Variants in PRPF18 observed in about 807,000 individuals in gnomAD.
The protein encoded by PRPF18 is pre-mRNA-splicing factor 18.
In PRPF18, 38 loss-of-function variants were observed where a neutral mutation model predicts 46.5. That is an observed-to-expected ratio of 0.82 (90% CI 0.63 to 1.07). The LOEUF is 1.07. PRPF18 is among the 50% of genes least tolerant of loss of function. The pLI, the probability that PRPF18 is intolerant of heterozygous loss-of-function variation, is 0.00. For synonymous variants in PRPF18, 152 were observed against 146.7 expected, an observed-to-expected ratio of 1.04 and a Z score of -0.26; for missense variants, 263 against 410.0, an observed-to-expected ratio of 0.64 and a Z score of 3.10.
At chr10:13,637,271 A>G in the PRPF18 span, 1 of 152,206 alleles carries the variant, frequency 6.6e-6, no homozygotes, top group Non-Finnish European at 1.5e-5. Context: ...AAAACCTTAT[A>G]CCAGTTAACA....
the PRPF18 span, among the ~76,000 whole-genome samples, chr10:13,650,267 G>A: frequency 6.6e-6 from 1 of 152,126 alleles, no homozygotes; most frequent in Non-Finnish European, 1.5e-5. Flanking sequence ...ACATACTGGG[G>A]TTGTTGAACA....
the PRPF18 span, chr10:13,654,352 G>T: frequency 9.7e-7 from 1 of 1,033,138 alleles, no homozygotes; most frequent in Non-Finnish European, 1.5e-6. Flanking sequence ...TATGTCACCA[G>T]GATCTGAACG....
chr10:13,637,092 C>T, the PRPF18 span: 2 of 147,506 alleles, frequency 1.4e-5, no homozygotes, highest in Non-Finnish European at 3.0e-5. Flanking sequence ...TGATGATGGA[C>T]ATGTGAGTTG....
At chr10:13,591,864 G>A (rs768158411) in intron 1 of PRPF18, 1 of 1,426,798 alleles carries the variant, frequency 7.0e-7, no homozygotes, top group Non-Finnish European at 9.4e-7. Flanking sequence ...GGAATCCAGT[G>A]AGGATGATCA....
At chr10:13,588,825 T>C (rs1436299088) in intron 1 of PRPF18, among the ~76,000 whole-genome samples, 1 of 152,224 alleles carries the variant, frequency 6.6e-6, no homozygotes, top group Non-Finnish European at 1.5e-5. Flanking sequence ...CCGCTGGTTC[T>C]CAAAGCTTTT....
chr10:13,591,912 C>A (rs2079968175), intron 1 of PRPF18: 2 of 1,389,444 alleles, frequency 1.4e-6, no homozygotes, highest in South Asian at 1.1e-5. Flanking sequence ...GCAGTTTTCT[C>A]ACGTGTCAAC....
At chr10:13,653,253 C>G in the PRPF18 span, 1 of 152,222 alleles carries the variant, frequency 6.6e-6, no homozygotes, top group Non-Finnish European at 1.5e-5. Flanking sequence ...CGACCAGGTG[C>G]CTGTAATCCT....
At chr10:13,603,619 C>T (rs1203025008) in intron 3 of PRPF18, among the ~76,000 whole-genome samples, 2 of 152,152 alleles carry the variant, frequency 1.3e-5, no homozygotes, top group East Asian at 3.8e-4. Flanking sequence ...TTAGGGTCAT[C>T]TTTCATCTTT....
chr10:13,618,498 T>C (rs1411551578), intron 9 of PRPF18, among the ~76,000 whole-genome samples: 1 of 151,242 alleles, frequency 6.6e-6, no homozygotes, highest in Non-Finnish European at 1.5e-5. Context: ...TGGTTGTGTG[T>C]GCCTGTAGTC....
At chr10:13,587,345 C>G (rs1233125159) in intron 1 of PRPF18, 193 bp downstream of exon 1, 1 of 633,014 alleles carries the variant, frequency 1.6e-6, no homozygotes. Context: ...AGAATAGGGT[C>G]TGAGAGCAGG....
Position 13,613,892 on chromosome 10 carries a change from T to C in PRPF18, c.720+11T>C. 3.1e-6 allele frequency: 5 copies of C among 1,593,962 alleles called. No homozygotes were observed. The highest frequency in any genetic ancestry group is 4.3e-6 in the Non-Finnish European group (5 of 1,174,888). On this transcript the variant is annotated intron_variant, in intron 7 of 9. Transcript: ENST00000378572. ...AAGCTACGGAAAAGGGTGAGGTTTC[T>C]TGGAAAATACTTTTTTTAACTGACT...
intron 8 of PRPF18, 51 bp from the exon 9 acceptor site, chr10:13,616,347 G>A: frequency 6.6e-7 from 1 of 1,519,938 alleles, no homozygotes; most frequent in African/African-American, 1.4e-5. Flanking sequence ...AAGAATTTGA[G>A]CCAGTACAAC....
chr10:13,604,686 G>T (rs1428800482), intron 3 of PRPF18, among the ~76,000 whole-genome samples: 1 of 152,128 alleles, frequency 6.6e-6, no homozygotes, highest in African/African-American at 2.4e-5. Context: ...ACACAGATTG[G>T]TCCTATCGAA....
intron 4 of PRPF18, 139 bp downstream of exon 4, chr10:13,605,883 ATTTTT>A: frequency 8.0e-7 from 1 of 1,248,544 alleles, no homozygotes; most frequent in Non-Finnish European, 1.0e-6. Flanking sequence ...GTTTTCATTA[ATTTTT>A]TGAAAAGCTC....
chr10:13,597,340 A>T, intron 1 of PRPF18, 118 bp from the exon 2 acceptor site: 1 of 679,520 alleles, frequency 1.5e-6, no homozygotes, highest in Non-Finnish European at 2.4e-6. Context: ...TATTTATTTT[A>T]TCCAATTCTT....
At chr10:13,612,031 C>G (rs2080276570) in intron 6 of PRPF18, among the ~76,000 whole-genome samples, 1 of 151,948 alleles carries the variant, frequency 6.6e-6, no homozygotes, top group South Asian at 2.1e-4. Flanking sequence ...AGGCACCCAC[C>G]ACCATGCTTG....
At chr10:13,616,667 G>A (rs2080345341) in intron 9 of PRPF18, 114 bp downstream of exon 9, 1 of 1,341,374 alleles carries the variant, frequency 7.5e-7, no homozygotes, top group South Asian at 1.3e-5. Flanking sequence ...TAGCGTGATA[G>A]GATGGAAGTC....
At chr10:13,620,345 C>A (rs147805028) in intron 9 of PRPF18, among the ~76,000 whole-genome samples, 189 of 152,286 alleles carry the variant, frequency 1.2e-3, no homozygotes, top group Middle Eastern at 3.4e-3. Flanking sequence ...AACCCAAAAC[C>A]TTTTTTACAC....
intron 4 of PRPF18, among the ~76,000 whole-genome samples, chr10:13,607,774 A>G (rs2080211853): frequency 6.6e-6 from 1 of 152,206 alleles, no homozygotes; most frequent in South Asian, 2.1e-4. Flanking sequence ...ATCTTTGCCT[A>G]TCCCAAGATT....
Sources: gnomAD v4.1 joint callset for allele counts (sites outside exome capture counted in the v4.1 genomes callset) on GRCh38, gnomAD v4.1.1 for gene constraint, MANE v1.5 for transcripts, NCBI Gene and HGNC (gene_info 2026-07-23, HGNC 2026-07-21) for gene names.